Variants in CHAF1B observed in about 807,000 individuals in gnomAD.
CHAF1B encodes CAF-1 subunit B.
Under a neutral mutation model 60.7 loss-of-function variants are expected in CHAF1B, and 10 were observed. The observed-to-expected ratio is 0.16, with a 90% CI of 0.10 to 0.28. The LOEUF (loss-of-function observed/expected upper bound fraction) is 0.28, where lower values mean the gene tolerates loss of function less well. Ranked by LOEUF, CHAF1B falls within the 10% of genes least tolerant of loss-of-function variation. The pLI, the probability that CHAF1B is intolerant of heterozygous loss-of-function variation, is 1.00. For synonymous variants in CHAF1B, 261 were observed against 266.1 expected (o/e 0.98, Z 0.19); for missense variants, 558 against 708.4 (o/e 0.79, Z 2.41).
intron 5 of CHAF1B, 67 bp from the exon 6 acceptor site, chr21:36,397,348 T>C: frequency 2.9e-6 from 2 of 697,424 alleles, no homozygotes; most frequent in Non-Finnish European, 4.8e-6. Flanking sequence ...TCATAGTTTA[T>C]ACTATTTGGG....
In CHAF1B at chr21:36,413,114, G is replaced by T. The variant is rs2086290737; in HGVS notation, c.1292G>T (p.Gly431Val). ...ASRTQDPSSPGTTPPQARQAP... is the reference protein window; with the variant it reads ...ASRTQDPSSPVTTPPQARQAP... ...AGAACCCAAGACCCCAGCAGCCCCG[G>T]CACGACTCCCCCTCAGGCCAGACAG... The change falls in exon 12 of 14, where the codon GGC (glycine) becomes GTC (valine). Residue 431 changes from glycine (G) to valine (V), a missense_variant. Gly to Val is a moderately radical substitution (Grantham distance 109). Transcript: ENST00000314103. 6.2e-7 allele frequency: 1 copy of T among 1,613,914 alleles called. No homozygotes were observed. Among genetic ancestry groups the T allele is most frequent in the South Asian group, 1.1e-5 (1 of 91,070 alleles).
At chr21:36,398,034 T>TA (rs1395559713) in intron 6 of CHAF1B, 1 of 151,704 alleles carries the variant, frequency 6.6e-6, no homozygotes, top group Non-Finnish European at 1.5e-5. Flanking sequence ...CTGAACTTAG[T>TA]AAATCTTTAT....
chr21:36,388,975 A>G (rs933025572), intron 3 of CHAF1B: 1 of 152,206 alleles, frequency 6.6e-6, no homozygotes, highest in African/African-American at 2.4e-5. Context: ...AACCCCCGCA[A>G]TGCTCCCTTT....
At chr21:36,398,766 G>A (rs144685556) in intron 6 of CHAF1B, among the ~76,000 whole-genome samples, 46 of 152,286 alleles carry the variant, frequency 3.0e-4, no homozygotes, top group African/African-American at 9.9e-4. Context: ...GCATTTAATT[G>A]TATTGTTGGA....
intron 4 of CHAF1B, among the ~76,000 whole-genome samples, chr21:36,392,611 C>T (rs924609622): frequency 1.3e-4 from 20 of 150,988 alleles, no homozygotes; most frequent in East Asian, 7.9e-4. Flanking sequence ...TCTTCCCAGA[C>T]GGGGCGGCTG....
At chr21:36,410,183 G>A (rs1282275814) in intron 10 of CHAF1B, among the ~76,000 whole-genome samples, 1 of 152,050 alleles carries the variant, frequency 6.6e-6, no homozygotes, top group African/African-American at 2.4e-5. Context: ...GGCTGGTCTC[G>A]AACTCCTGAC....
chr21:36,387,045 T>C (rs951021879), intron 2 of CHAF1B, among the ~76,000 whole-genome samples: 2 of 152,044 alleles, frequency 1.3e-5, no homozygotes, highest in Non-Finnish European at 2.9e-5. Flanking sequence ...TTTCCCTAGA[T>C]TATTGTAACT....
intron 4 of CHAF1B, among the ~76,000 whole-genome samples, chr21:36,393,167 G>A (rs1188576179): frequency 1.3e-5 from 2 of 152,194 alleles, no homozygotes; most frequent in African/African-American, 2.4e-5. Context: ...CGGCAGTACC[G>A]TCCAGCCTCG....
intron 5 of CHAF1B, among the ~76,000 whole-genome samples, chr21:36,396,594 C>T (rs375752306): frequency 6.6e-6 from 1 of 150,686 alleles, no homozygotes; most frequent in African/African-American, 2.4e-5. Context: ...GTTGAGGCTG[C>T]AGTGAGCTCT....
Position 36,416,405 on chromosome 21 carries a change from G to C in CHAF1B, c.*39G>C, listed in dbSNP as rs202093155. The C allele has an allele frequency of 1.3e-5, 20 of 1,544,784 alleles. No individual in the cohort carries two copies. The East Asian group carries it at 4.3e-4, about 33-fold the overall frequency. ...TCTGCTCGAAGCCTACCAGGCTCCC[G>C]GTGTGTGCAGGGAGACGGTAAAGCT... On this transcript the variant is annotated 3_prime_UTR_variant, in exon 14 of 14. Transcript: ENST00000314103.
intron 7 of CHAF1B, among the ~76,000 whole-genome samples, chr21:36,399,837 T>C (rs2086172609): frequency 6.6e-6 from 1 of 152,144 alleles, no homozygotes; most frequent in South Asian, 2.1e-4. Flanking sequence ...GACAGGACAG[T>C]GGTTTTCAAC....
intron 5 of CHAF1B, among the ~76,000 whole-genome samples, chr21:36,396,112 G>A (rs8127711): frequency 0.028 from 4,174 of 151,426 alleles, 82 homozygotes; most frequent in Admixed American, 0.045. Context: ...CAATTCTCCT[G>A]CCTCAGCCCT....
rs761396555 is a variant in CHAF1B, at chr21:36,411,446, C to G, written c.920-17C>G. On this transcript the variant is annotated splice_polypyrimidine_tract_variant and intron_variant, in intron 10 of 13. Transcript: ENST00000314103. The stretch of plus-strand genomic sequence containing the variant: ...TTGTTTCTGTGGTTTTACTTTGTCT[C>G]TGTCCCCAACCCCCAGGTGTGGAGC... 2 of 1,612,928 alleles carry G rather than the reference C, an allele frequency of 1.2e-6. No individual in the cohort carries two copies. Among genetic ancestry groups the G allele is most frequent in the South Asian group, 1.1e-5 (1 of 91,014 alleles).
At chr21:36,411,440 T>C (rs1568819982) in intron 10 of CHAF1B, 23 bp from the exon 11 acceptor site, 12 of 1,612,274 alleles carry the variant, frequency 7.4e-6, no homozygotes, top group Non-Finnish European at 1.0e-5. Context: ...TGGTTTTACT[T>C]TGTCTCTGTC....
intron 4 of CHAF1B, 128 bp from the exon 5 acceptor site, chr21:36,394,419 A>G: frequency 1.5e-6 from 1 of 663,010 alleles, no homozygotes; most frequent in Non-Finnish European, 2.7e-6. Context: ...TGTGTTAGCC[A>G]GGCTGGCCTT....
chr21:36,409,625 T>A (rs1025721101), intron 10 of CHAF1B, among the ~76,000 whole-genome samples, 160 bp downstream of exon 10: 3 of 151,972 alleles, frequency 2.0e-5, no homozygotes, highest in Non-Finnish European at 2.9e-5. Flanking sequence ...TTAAATCTAT[T>A]TATTTATTTA....
Position 36,413,029 on chromosome 21 carries a change from A to T in CHAF1B, c.1207A>T (p.Ser403Cys), listed in dbSNP as rs2086289553. The change falls in exon 12 of 14, where the codon AGT becomes TGT. Residue 403 changes from serine to cysteine, a missense_variant. By Grantham distance (112) the Ser-to-Cys change is moderately radical (BLOSUM62 -1). Transcript: ENST00000314103. ...RTPDTAKKTKSQTHRGSSPGP... is the reference protein window; with the variant it reads ...RTPDTAKKTKCQTHRGSSPGP... ...TCCTGATACAGCAAAGAAAACCAAG[A>T]GTCAGACACATCGAGGGTCTTCGCC... The T allele has an allele frequency of 6.2e-7, 1 of 1,614,224 alleles. No individual in the cohort carries two copies. The highest frequency in any genetic ancestry group is 8.5e-7 in the Non-Finnish European group (1 of 1,180,042).
chr21:36,409,510 C>A, intron 10 of CHAF1B, 45 bp downstream of exon 10: 1 of 1,435,286 alleles, frequency 7.0e-7, no homozygotes, highest in South Asian at 1.2e-5. Context: ...CTCTCCGAAA[C>A]AGGTCACCAG....
intron 4 of CHAF1B, among the ~76,000 whole-genome samples, chr21:36,393,247 G>A (rs1381833199): frequency 1.3e-5 from 2 of 151,650 alleles, no homozygotes; most frequent in African/African-American, 4.8e-5. Flanking sequence ...GAGAGGGAGA[G>A]GGAGAGGATT....
Sources: allele counts gnomAD v4.1 joint callset (sites outside exome capture counted in the v4.1 genomes callset), GRCh38; gene constraint gnomAD v4.1.1; transcripts MANE v1.5; gene names NCBI Gene and HGNC (gene_info 2026-07-23, HGNC 2026-07-21).